The following MRPL46 variants were observed in gnomAD, a reference collection of about 807,000 sequenced individuals.
MRPL46 encodes mitochondrial ribosomal protein L46, also known as large ribosomal subunit protein mL46.
Under a neutral mutation model 31.0 loss-of-function variants are expected in MRPL46, and 26 were observed. The observed-to-expected ratio is 0.84, with a 90% CI of 0.61 to 1.16. The LOEUF is 1.16. Among genes scored for constraint, MRPL46 ranks in the 50% most tolerant of loss-of-function variants. MRPL46 has a pLI of 0.00. For missense variants in MRPL46, 395 were observed against 340.0 expected (o/e 1.16, Z -1.27); for synonymous variants, 159 against 141.3 (o/e 1.13, Z -0.89).
intron 3 of MRPL46, chr15:88,461,814 A>C (rs2055479887): frequency 6.6e-6 from 1 of 152,192 alleles, no homozygotes; most frequent in Non-Finnish European, 1.5e-5. Context: ...GTTTGTAAAA[A>C]CAGACTGGCT....
In MRPL46 at chr15:88,465,793, A is replaced by C. The variant is rs548685437; in HGVS notation, c.229-20T>G. 3.2e-6 allele frequency: 5 copies of C among 1,557,920 alleles called. No individual in the cohort carries two copies. The African/African-American group carries it at 7.0e-5, about 22-fold the overall frequency. ...CTCAATCTGGGAAAATTCAAAGGGC[A>C]AAAAACTACCTTAATCTGGCAAAAT... On this transcript the variant is annotated intron_variant, in intron 1 of 3. Coordinates refer to ENST00000312475, the MANE Select transcript of MRPL46 (RefSeq NM_022163.4).
Position 88,459,493 on chromosome 15 carries a change from T to G in MRPL46, c.*120A>C, listed in dbSNP as rs2055456185. 8.9e-6 allele frequency: 13 copies of G among 1,461,144 alleles called. No individual in the cohort carries two copies. Among genetic ancestry groups the G allele is most frequent in the South Asian group, 1.3e-5 (1 of 75,890 alleles). The allele number at this position is 1,461,144 out of a possible 1,614,324, so 90.5% of individuals were successfully genotyped here. On this transcript the variant is annotated 3_prime_UTR_variant, in exon 4 of 4. Coordinates refer to ENST00000312475, the MANE Select transcript of MRPL46 (RefSeq NM_022163.4). ...GAGACCAACACAGTAATAGACTCGTTTATTTCTCAGAATTTAGTTTGCTGC... is the reference window on the plus strand; with the variant it reads ...GAGACCAACACAGTAATAGACTCGTGTATTTCTCAGAATTTAGTTTGCTGC...
chr15:88,467,386 C>A lies in MRPL46; in HGVS notation c.-9G>T. ...CTTACGGGCGCCGCCATCTTTCGTT[C>A]TCCCACAATGCACCGCGGCTCCCAG... On this transcript the variant is annotated 5_prime_UTR_variant, in exon 1 of 4. Coordinates refer to ENST00000312475, the MANE Select transcript of MRPL46 (RefSeq NM_022163.4). 1.3e-6 allele frequency: 2 copies of A among 1,559,114 alleles called. No homozygotes were observed. The highest frequency in any genetic ancestry group is 8.7e-7 in the Non-Finnish European group (1 of 1,151,744).
Position 88,465,809 on chromosome 15 carries a change from C to G in MRPL46, c.229-36G>C, listed in dbSNP as rs753217825. The stretch of plus-strand genomic sequence containing the variant: ...TCAAAGGGCAAAAAACTACCTTAAT[C>G]TGGCAAAATTAAAAGGAAAAAAAAA... On this transcript the variant is annotated intron_variant, in intron 1 of 3. Coordinates refer to ENST00000312475, the MANE Select transcript of MRPL46 (RefSeq NM_022163.4). The G allele has an allele frequency of 5.3e-6, 8 of 1,519,934 alleles. No homozygotes were observed. The South Asian group carries it at 1.0e-4, about 20-fold the overall frequency. The allele number at this position is 1,519,934 out of a possible 1,614,324, so 94.2% of individuals were successfully genotyped here. A position where few individuals can be genotyped will look rare whatever the true frequency, so the allele number is the denominator to read the frequency against.
intron 2 of MRPL46, 84 bp downstream of exon 2, chr15:88,465,503 A>C (rs1188672589): frequency 7.4e-6 from 10 of 1,356,618 alleles, no homozygotes; most frequent in Non-Finnish European, 8.9e-6. Context: ...TAAAACACAA[A>C]GCAGGGGCCA....
At chr15:88,461,536 T>C (rs773938817) in intron 3 of MRPL46, 37 of 152,272 alleles carry the variant, frequency 2.4e-4, no homozygotes, top group Non-Finnish European at 3.8e-4. Context: ...TTTAAAGAAA[T>C]AAAGTTAAAC....
intron 3 of MRPL46, chr15:88,462,779 A>T (rs1343480474): frequency 6.6e-6 from 1 of 152,210 alleles, no homozygotes; most frequent in African/African-American, 2.4e-5. Context: ...TTAAATATAC[A>T]GTATATACTC....
rs2055458995 is a variant in MRPL46, at chr15:88,459,728, T to C, written c.725A>G (p.Asp242Gly). 1.2e-6 allele frequency: 2 copies of C among 1,614,044 alleles called. No individual in the cohort carries two copies. Among genetic ancestry groups the C allele is most frequent in the African/African-American group, 2.7e-5 (2 of 74,902 alleles). ...GCCCTTATTCCCAGCCTGGGAAAAG[T>C]CTCCAGTTAATAGCAGTGCTTTGAA... Reference protein sequence around the residue: ...FFFKALLLTGDFSQAGNKGHH... With the variant: ...FFFKALLLTGGFSQAGNKGHH... The change falls in exon 4 of 4, where the codon GAC becomes GGC. Residue 242 changes from aspartate (D) to glycine (G), a missense_variant. By Grantham distance (94) the Asp-to-Gly change is moderately conservative (BLOSUM62 -1). Transcript: ENST00000312475.
intron 1 of MRPL46, 30 bp downstream of exon 1, chr15:88,467,120 G>A: frequency 2.5e-6 from 4 of 1,602,390 alleles, no homozygotes; most frequent in South Asian, 1.1e-5. Context: ...CAGAATAAAC[G>A]TCACTCTGAA....
Position 88,467,178 on chromosome 15 carries a change from T to G in MRPL46, c.200A>C (p.Gln67Pro), listed in dbSNP as rs767907802. 2 of 1,614,114 alleles carry G rather than the reference T, an allele frequency of 1.2e-6. No individual in the cohort carries two copies. The highest frequency in any genetic ancestry group is 4.5e-5 in the East Asian group (2 of 44,882). ...PVVSKPLTPL[Q>P]EEMASLLQQI... ...CTGCAGTAGAGACGCCATCTCTTCC[T>G]GCAATGGGGTCAACGGCTTGGAGAC... is the stretch of plus-strand genomic sequence containing the variant. Residue 67 changes from glutamine to proline, a missense_variant, in exon 1 of 4, where the codon CAG becomes CCG. Coordinates refer to ENST00000312475, the MANE Select transcript of MRPL46 (RefSeq NM_022163.4).
intron 3 of MRPL46, 191 bp from the exon 4 acceptor site, chr15:88,460,054 G>A: frequency 1.5e-6 from 1 of 661,618 alleles, no homozygotes; most frequent in Non-Finnish European, 2.5e-6. Context: ...CCTGGCCCAT[G>A]GAGTCCAGAT....
intron 3 of MRPL46, chr15:88,460,662 ATTTT>A (rs748122831): frequency 3.3e-5 from 5 of 152,206 alleles, no homozygotes; most frequent in Non-Finnish European, 7.3e-5. Context: ...AACAATAGAC[ATTTT>A]AACTTTTCAT....
In MRPL46 at chr15:88,467,153, C is replaced by T. The variant is rs1212093938; in HGVS notation, c.225G>A (p.Gln75=). Residue 75 remains glutamine, a synonymous_variant, in exon 1 of 4, where the codon CAG becomes CAA. Coordinates refer to ENST00000312475, the MANE Select transcript of MRPL46 (RefSeq NM_022163.4). ...GAACCCTGCATCTCAGTCCCACCTG[C>T]TGCAGTAGAGACGCCATCTCTTCCT... ...PLQEEMASLL[Q]QIEIERSLYS... is the part of the protein sequence containing the mutation. 1.9e-6 allele frequency: 3 copies of T among 1,613,660 alleles called. No individual in the cohort carries two copies. Among genetic ancestry groups the T allele is most frequent in the South Asian group, 1.1e-5 (1 of 91,080 alleles).
rs763119816 is a variant in MRPL46, at chr15:88,467,365, C to T, written c.13G>A (p.Val5Ile). Residue 5 changes from valine (V) to isoleucine (I), a missense_variant, in exon 1 of 4, where the codon GTA becomes ATA. Transcript: ENST00000312475. The part of the protein sequence containing the change: MAAP[V>I]RRTLLGVAGG... The stretch of plus-strand genomic sequence containing the variant: ...GCCACCCCTAACAGCGTCCGCCTTA[C>T]GGGCGCCGCCATCTTTCGTTCTCCC... 3 of 1,577,186 alleles carry T rather than the reference C, an allele frequency of 1.9e-6. No individual in the cohort carries two copies. Among genetic ancestry groups the T allele is most frequent in the Non-Finnish European group, 2.6e-6 (3 of 1,160,894 alleles).
In MRPL46 at chr15:88,464,765, G is replaced by T. The variant is rs1567040238; in HGVS notation, c.527C>A (p.Ala176Glu). The T allele has an allele frequency of 6.2e-7, 1 of 1,614,144 alleles. No individual in the cohort carries two copies. The highest frequency in any genetic ancestry group is 2.2e-5 in the East Asian group (1 of 44,870). ...AAGGGTCTCCCCAGGCTGCCACTCT[G>T]CCTGGGGCAGTATCCAAACATCCTG... ...GDQDVWILPQAEWQPGETLRG... is the reference protein window; with the variant it reads ...GDQDVWILPQEEWQPGETLRG... The change falls in exon 3 of 4, where the codon GCA (alanine) becomes GAA (glutamate). Residue 176 changes from alanine (A) to glutamate (E), a missense_variant. Ala to Glu is a moderately radical substitution (Grantham distance 107). Transcript: ENST00000312475.
Position 88,459,532 on chromosome 15 carries a change from C to A in MRPL46, c.*81G>T. 6.4e-7 allele frequency: 1 copy of A among 1,570,280 alleles called. No individual in the cohort carries two copies. The highest frequency in any genetic ancestry group is 1.2e-5 in the South Asian group (1 of 85,786). On this transcript the variant is annotated 3_prime_UTR_variant, in exon 4 of 4. Transcript: ENST00000312475. ...TTAGTTTGCTGCTTGATATTACCTG[C>A]AAATGTGAGGCAATCACACAATGTC...
intron 3 of MRPL46, chr15:88,461,291 A>G (rs2055475143): frequency 6.6e-6 from 1 of 152,210 alleles, no homozygotes; most frequent in Admixed American, 6.5e-5. Context: ...GAAGCACTTA[A>G]AAATCAATGC....
Position 88,467,143 on chromosome 15 carries a change from G to T in MRPL46, c.228+7C>A, listed in dbSNP as rs1308676021. The T allele has an allele frequency of 6.2e-7, 1 of 1,612,946 alleles. No individual in the cohort carries two copies. The highest frequency in any genetic ancestry group is 8.5e-7 in the Non-Finnish European group (1 of 1,178,998). ...ACGTCACTCTGAACCCTGCATCTCA[G>T]TCCCACCTGCTGCAGTAGAGACGCC... On this transcript the variant is annotated splice_region_variant and intron_variant, in intron 1 of 3. Transcript: ENST00000312475.
intron 3 of MRPL46, chr15:88,461,382 T>C (rs1367852931): frequency 6.6e-6 from 1 of 151,246 alleles, no homozygotes; most frequent in Non-Finnish European, 1.5e-5. Context: ...CAAGATTCCA[T>C]CTCTAAAGGA....
Sources: allele counts gnomAD v4.1 joint callset, GRCh38; gene constraint gnomAD v4.1.1; transcripts MANE v1.5; gene names NCBI Gene and HGNC (gene_info 2026-07-23, HGNC 2026-07-21).